Variants in FTO observed in about 807,000 individuals in gnomAD.
FTO encodes alpha-ketoglutarate-dependent dioxygenase FTO.
Under a neutral mutation model 63.9 loss-of-function variants are expected in FTO, and 47 were observed. That is an observed-to-expected ratio of 0.74 (90% CI 0.58 to 0.94). The LOEUF (loss-of-function observed/expected upper bound fraction) is 0.94, where lower values mean the gene tolerates loss of function less well. Ranked by LOEUF, FTO falls within the 40% of genes least tolerant of loss-of-function variation. The pLI is 0.00. For synonymous variants in FTO, 207 were observed against 224.4 expected, an observed-to-expected ratio of 0.92 and a Z score of 0.69; for missense variants, 562 against 618.1, an observed-to-expected ratio of 0.91 and a Z score of 0.96.
rs1195299129 is a variant in FTO, at chr16:53,943,902, C to A, written c.1364+9793C>A. On this transcript the variant is annotated intron_variant, in intron 8 of 8. Transcript: ENST00000471389. ...TAAATTCTCCTTCAATTATCCGTAC[C>A]GTGGTTCCCATTTACTTTTCCAAGA... Among the ~76,000 whole-genome samples the A allele has an allele frequency of 2.6e-5, 4 of 152,260 alleles. No individual in the cohort carries two copies. The East Asian group carries it at 7.7e-4, about 29-fold the overall frequency.
Position 53,825,894 on chromosome 16 carries a change from C to T in FTO, c.154C>T (p.Arg52Ter), listed in dbSNP as rs531215275. The change falls in exon 3 of 9, where the codon CGA (arginine) becomes TGA (stop). Residue 52 changes from arginine to a stop codon, truncating the protein, a stop_gained. Transcript: ENST00000471389. LOFTEE classifies it high-confidence loss of function. ...GCTGAAATATCCTAAACTAATTCTC[C>T]GAGAAGCCAGCAGTGTATCTGAGGA... ...WQLKYPKLIL[R>*]EASSVSEELH... is the part of the protein sequence containing the mutation. 1.2e-5 allele frequency: 19 copies of T among 1,613,944 alleles called. No individual in the cohort carries two copies. Among genetic ancestry groups the T allele is most frequent in the African/African-American group, 2.7e-5 (2 of 74,908 alleles).
In FTO at chr16:53,845,984, T is replaced by C. The variant is rs1482942352; in HGVS notation, c.895+1686T>C. ...TCTTGCCTTCCATGTGAACATTGCT[T>C]TGCAGTTTACACATCAGTTTCACAC... On this transcript the variant is annotated intron_variant, in intron 4 of 8. Transcript: ENST00000471389. Among the ~76,000 whole-genome samples, 5 of 152,210 alleles carry C rather than the reference T, an allele frequency of 3.3e-5. No individual in the cohort carries two copies. In the South Asian group the frequency reaches 6.2e-4, roughly 19 times the overall value.
chr16:53,824,930 C>G (rs745782618), intron 2 of FTO, among the ~76,000 whole-genome samples: 4 of 152,094 alleles, frequency 2.6e-5, no homozygotes, highest in Admixed American at 2.6e-4. Context: ...AAGTGGTAGC[C>G]GAAAAGCTAA....
At chr16:54,000,944 G>C (rs867072988) in intron 8 of FTO, among the ~76,000 whole-genome samples, 11 of 152,238 alleles carry the variant, frequency 7.2e-5, no homozygotes, top group Middle Eastern at 6.8e-3. Context: ...GTGTGATCTT[G>C]GGTATGTTAC....
chr16:53,938,686 C>A (rs1460368940), intron 8 of FTO, among the ~76,000 whole-genome samples: 2 of 152,184 alleles, frequency 1.3e-5, no homozygotes, highest in Admixed American at 6.5e-5. Flanking sequence ...AAGGCAGTGG[C>A]AGGGAAAGCA....
Position 53,826,129 on chromosome 16 carries a change from C to G in FTO, c.389C>G (p.Ala130Gly). ...VKGSNIKHTE[A>G]EIAAACETFL... ...GGGTCTAATATAAAACACACCGAGG[C>G]TGAAATAGCCGCTGCTTGTGAGACC... Residue 130 changes from alanine to glycine, a missense_variant, in exon 3 of 9, where the codon GCT becomes GGT. Coordinates refer to ENST00000471389, the MANE Select transcript of FTO (RefSeq NM_001080432.3). The G allele has an allele frequency of 6.2e-7, 1 of 1,614,170 alleles. No homozygotes were observed. Among genetic ancestry groups the G allele is most frequent in the Middle Eastern group, 1.6e-4 (1 of 6,062 alleles).
intron 7 of FTO, among the ~76,000 whole-genome samples, chr16:53,928,966 C>G (rs1200658232): frequency 6.6e-6 from 1 of 152,044 alleles, no homozygotes; most frequent in Non-Finnish European, 1.5e-5. Flanking sequence ...GCCTCAGCCT[C>G]CCGAGTAGCT....
intron 8 of FTO, among the ~76,000 whole-genome samples, chr16:54,054,345 G>A (rs1440531268): frequency 6.6e-6 from 1 of 152,176 alleles, no homozygotes; most frequent in Non-Finnish European, 1.5e-5. Flanking sequence ...GGTGCCAGTG[G>A]GGAGGAAGGT....
At chr16:53,714,952 A>C (rs1227153969) in intron 1 of FTO, among the ~76,000 whole-genome samples, 2 of 152,170 alleles carry the variant, frequency 1.3e-5, no homozygotes, top group Admixed American at 1.3e-4. Flanking sequence ...GAACGAAGAC[A>C]CGCACACTTT....
At chr16:53,781,174 A>G (rs758445662) in intron 1 of FTO, among the ~76,000 whole-genome samples, 15 of 152,228 alleles carry the variant, frequency 9.9e-5, no homozygotes, top group Non-Finnish European at 1.8e-4. Flanking sequence ...CCAATTGAGT[A>G]ATCAGGGTTC....
chr16:53,939,282 T>C (rs1055436358), intron 8 of FTO, among the ~76,000 whole-genome samples: 1 of 152,108 alleles, frequency 6.6e-6, no homozygotes, highest in Non-Finnish European at 1.5e-5. Flanking sequence ...GAAAGCCAGG[T>C]AGAGGATAAT....
intron 8 of FTO, among the ~76,000 whole-genome samples, chr16:54,083,675 C>G (rs1345889326): frequency 2.0e-5 from 3 of 152,182 alleles, no homozygotes; most frequent in African/African-American, 7.2e-5. Context: ...CACCGCCCTC[C>G]CTACCGCCAT....
chr16:53,938,278 GTTCT>G (rs1434375527), intron 8 of FTO, among the ~76,000 whole-genome samples: 1 of 152,182 alleles, frequency 6.6e-6, no homozygotes, highest in East Asian at 1.9e-4. Flanking sequence ...GTTACGTTTG[GTTCT>G]TTCTTTGTTC....
chr16:53,847,626 G>C (rs886978406), intron 4 of FTO, among the ~76,000 whole-genome samples: 2 of 151,862 alleles, frequency 1.3e-5, no homozygotes, highest in African/African-American at 2.4e-5. Context: ...AAATTAGCCG[G>C]GTGTGGTGGT....
chr16:54,008,261 C>A (rs1399643310), intron 8 of FTO, among the ~76,000 whole-genome samples: 1 of 152,028 alleles, frequency 6.6e-6, no homozygotes, highest in East Asian at 1.9e-4. Flanking sequence ...ATGAACCCAC[C>A]GACAACATCA....
intron 8 of FTO, among the ~76,000 whole-genome samples, chr16:53,964,678 A>G (rs529129798): frequency 1.3e-5 from 2 of 152,302 alleles, no homozygotes; most frequent in South Asian, 2.1e-4. Flanking sequence ...TCAAGATGCA[A>G]TTTGAATGTA....
chr16:54,026,733 G>A (rs1440103443), intron 8 of FTO, among the ~76,000 whole-genome samples: 2 of 152,040 alleles, frequency 1.3e-5, no homozygotes, highest in African/African-American at 4.8e-5. Context: ...AGCACTTCCT[G>A]GGGCAGAGAA....
intron 5 of FTO, among the ~76,000 whole-genome samples, chr16:53,877,516 G>C (rs892880447): frequency 6.6e-6 from 1 of 152,198 alleles, no homozygotes; most frequent in African/African-American, 2.4e-5. Context: ...AAGTAGATTA[G>C]TGGTTGCCTA....
intron 5 of FTO, 59 bp downstream of exon 5, chr16:53,873,924 G>A: frequency 7.9e-7 from 1 of 1,270,628 alleles, no homozygotes. Flanking sequence ...GTGGTTGAAT[G>A]AGCAATTTAC....
Sources: allele counts gnomAD v4.1 joint callset (sites outside exome capture counted in the v4.1 genomes callset), GRCh38; gene constraint gnomAD v4.1.1; transcripts MANE v1.5; gene names NCBI Gene and HGNC (gene_info 2026-07-23, HGNC 2026-07-21).